The following C2CD2 variants were observed in gnomAD, a reference collection of about 807,000 sequenced individuals.
C2CD2 encodes the protein C2 calcium dependent domain containing 2, also known as C2 domain-containing protein 2.
In C2CD2, 43 loss-of-function variants were observed where a neutral mutation model predicts 74.3. That is an observed-to-expected ratio of 0.58 (90% CI 0.45 to 0.75). The LOEUF (loss-of-function observed/expected upper bound fraction) is 0.75. Among genes scored for constraint, C2CD2 ranks in the 30% least tolerant of loss-of-function variants. The pLI is 0.00. For synonymous variants in C2CD2, 422 were observed against 390.7 expected (o/e 1.08, Z -0.94); for missense variants, 801 against 916.3 (o/e 0.87, Z 1.63).
At chr21:41,891,757 C>G (rs2064757004) in intron 13 of C2CD2, among the ~76,000 whole-genome samples, 1 of 152,138 alleles carries the variant, frequency 6.6e-6, no homozygotes, top group South Asian at 2.1e-4. Flanking sequence ...CAACGTCACC[C>G]CCTTCACTTC....
At chr21:41,907,815 C>T (rs369318591) in intron 8 of C2CD2, 31 bp from the exon 9 acceptor site, 41 of 1,613,416 alleles carry the variant, frequency 2.5e-5, no homozygotes, top group Admixed American at 1.0e-4. Context: ...CAAGGGGTGC[C>T]GCTGATGTTT....
Position 41,924,495 on chromosome 21 carries a change from C to T in C2CD2, c.379-2410G>A, listed in dbSNP as rs1006877112. ...GTTAATTACATATTTCCATCATCTC[C>T]AGAGTTCACAAAGGGCCAGAACAAA... On this transcript the variant is annotated intron_variant, in intron 2 of 13. Transcript: ENST00000380486. The surrounding 1 kb of genome is among the most constrained non-coding windows in gnomAD (Gnocchi z 4.4). Among the ~76,000 whole-genome samples the T allele has an allele frequency of 5.3e-5, 8 of 152,168 alleles. No homozygotes were observed. Among genetic ancestry groups the T allele is most frequent in the Non-Finnish European group, 1.0e-4 (7 of 68,028 alleles).
At chr21:41,940,012 A>C (rs181249988) in intron 2 of C2CD2, among the ~76,000 whole-genome samples, 1 of 152,324 alleles carries the variant, frequency 6.6e-6, no homozygotes, top group Admixed American at 6.5e-5. Context: ...CCAAAATCTG[A>C]AACTTTTTGA....
Position 41,942,161 on chromosome 21 carries a change from A to C in C2CD2, c.364T>G (p.Ser122Ala). ...VVQEVSSVLR[S>A]AEEKVVVCHV... ...CCTGGGCTCACCTTCTCCTCCGCCG[A>C]CCTGAGCACGCTGGAGACCTCCTGC... The change falls in exon 2 of 14, where the codon TCG (serine) becomes GCG (alanine). Residue 122 changes from serine (S) to alanine (A), a missense_variant. By Grantham distance (99) the Ser-to-Ala change is moderately conservative. Transcript: ENST00000380486. 1 of 1,549,232 alleles carries C rather than the reference A, an allele frequency of 6.5e-7. No individual in the cohort carries two copies. The highest frequency in any genetic ancestry group is 1.2e-5 in the South Asian group (1 of 83,948).
chr21:41,917,136 G>T (rs1468412574), intron 5 of C2CD2, among the ~76,000 whole-genome samples: 2 of 152,178 alleles, frequency 1.3e-5, no homozygotes, highest in Non-Finnish European at 2.9e-5. Flanking sequence ...CAGGCTTCGG[G>T]AGGGTGATGG....
intron 5 of C2CD2, among the ~76,000 whole-genome samples, chr21:41,915,068 C>A (rs1318054592): frequency 6.6e-6 from 1 of 152,184 alleles, no homozygotes; most frequent in Non-Finnish European, 1.5e-5. Context: ...CTGACCCGGG[C>A]AGGTGCTTAA....
chr21:41,932,015 C>T (rs1439204389), intron 2 of C2CD2, among the ~76,000 whole-genome samples: 1 of 134,816 alleles, frequency 7.4e-6, no homozygotes, highest in African/African-American at 2.7e-5. Flanking sequence ...CTCCCCACCT[C>T]CAGCATCCCA....
intron 13 of C2CD2, 55 bp downstream of exon 13, chr21:41,898,998 T>G: frequency 4.4e-6 from 6 of 1,355,234 alleles, no homozygotes; most frequent in Non-Finnish European, 5.2e-6. Context: ...GAAGCCAGCA[T>G]GAGCGCAAAG....
chr21:41,928,689 C>G (rs2065237792), intron 2 of C2CD2, among the ~76,000 whole-genome samples: 1 of 152,090 alleles, frequency 6.6e-6, no homozygotes, highest in Admixed American at 6.6e-5. Flanking sequence ...AGGGGACCGC[C>G]CCCCACCCCC....
intron 1 of C2CD2, among the ~76,000 whole-genome samples, chr21:41,948,388 C>T (rs2065420058): frequency 6.6e-6 from 1 of 151,654 alleles, no homozygotes; most frequent in Non-Finnish European, 1.5e-5. Flanking sequence ...CCGGGGGGGT[C>T]GGGAGGAGGG....
chr21:41,891,312 G>A (rs1295296184), intron 13 of C2CD2, among the ~76,000 whole-genome samples: 8 of 152,224 alleles, frequency 5.3e-5, no homozygotes, highest in Non-Finnish European at 1.2e-4. Context: ...AGTTCCTGGA[G>A]TGAGTCACGT....
At chr21:41,916,807 G>C (rs900212039) in intron 5 of C2CD2, among the ~76,000 whole-genome samples, 1 of 152,118 alleles carries the variant, frequency 6.6e-6, no homozygotes, top group Non-Finnish European at 1.5e-5. Context: ...AAGCATGATT[G>C]AAGTTATGAT....
chr21:41,950,187 G>T (rs1440634955), intron 1 of C2CD2, among the ~76,000 whole-genome samples: 1 of 152,142 alleles, frequency 6.6e-6, no homozygotes, highest in African/African-American at 2.4e-5. Flanking sequence ...TGGATGGCAA[G>T]TGTGTACTAG....
Position 41,942,164 on chromosome 21 carries a change from T to C in C2CD2, c.361A>G (p.Arg121Gly). ...LVVQEVSSVL[R>G]SAEEKVVVCH... ...GGGCTCACCTTCTCCTCCGCCGACC[T>C]GAGCACGCTGGAGACCTCCTGCACC... is the stretch of plus-strand genomic sequence containing the variant. Residue 121 changes from arginine to glycine, a missense_variant, in exon 2 of 14, where the codon AGG becomes GGG. Coordinates refer to ENST00000380486, the MANE Select transcript of C2CD2 (RefSeq NM_015500.2). 6.5e-7 allele frequency: 1 copy of C among 1,549,468 alleles called. No homozygotes were observed.
chr21:41,943,490 T>C (rs1261944896), intron 1 of C2CD2, among the ~76,000 whole-genome samples: 1 of 152,158 alleles, frequency 6.6e-6, no homozygotes, highest in Non-Finnish European at 1.5e-5. Context: ...CCTAGAACTC[T>C]GTTCCTGACA....
intron 11 of C2CD2, among the ~76,000 whole-genome samples, chr21:41,904,620 G>A (rs2064938663): frequency 6.6e-6 from 1 of 152,138 alleles, no homozygotes; most frequent in African/African-American, 2.4e-5. Flanking sequence ...GACCCAGCGG[G>A]GTAGTATCCA....
chr21:41,907,326 C>T (rs1208075057), intron 9 of C2CD2, among the ~76,000 whole-genome samples, 160 bp from the exon 10 acceptor site: 1 of 152,218 alleles, frequency 6.6e-6, no homozygotes, highest in Non-Finnish European at 1.5e-5. Context: ...AGAATGGACA[C>T]AGACCCAACC....
Position 41,886,179 on chromosome 21 carries a change from T to G in C2CD2, c.*2945A>C, listed in dbSNP as rs2064681581. 1 of 152,134 alleles carries G rather than the reference T, an allele frequency of 6.6e-6. No individual in the cohort carries two copies. Among genetic ancestry groups the G allele is most frequent in the Admixed American group, 6.5e-5 (1 of 15,274 alleles). The allele number at this position is 152,134 out of a possible 1,614,324, so 9.4% of individuals were successfully genotyped here. On this transcript the variant is annotated 3_prime_UTR_variant, in exon 14 of 14. Transcript: ENST00000380486. Reference sequence around the variant, plus strand: ...GATACAGACACAATTAATCTTAGTGTTCATGAGGAATTGTTTTTAAAACAC... The same window carrying G: ...GATACAGACACAATTAATCTTAGTGGTCATGAGGAATTGTTTTTAAAACAC...
Position 41,885,868 on chromosome 21 carries a change from A to G in C2CD2, c.*3256T>C, listed in dbSNP as rs1424266995. 1 of 152,424 alleles carries G rather than the reference A, an allele frequency of 6.6e-6. No individual in the cohort carries two copies. The highest frequency in any genetic ancestry group is 2.4e-5 in the African/African-American group (1 of 41,462). The allele number at this position is 152,424 out of a possible 1,614,324, so 9.4% of individuals were successfully genotyped here. On this transcript the variant is annotated 3_prime_UTR_variant, in exon 14 of 14. Coordinates refer to ENST00000380486, the MANE Select transcript of C2CD2 (RefSeq NM_015500.2). ...ACTGAGTGGCGACTGGTCGAGTAGC[A>G]GTTGGTCATAAGGGATCAGGGCTGG...
Sources: allele counts gnomAD v4.1 joint callset (sites outside exome capture counted in the v4.1 genomes callset), GRCh38; gene constraint gnomAD v4.1.1; non-coding constraint Gnocchi (gnomAD v3.1); transcripts MANE v1.5; gene names NCBI Gene and HGNC (gene_info 2026-07-23, HGNC 2026-07-21).